SIL1: variants seen among roughly 807,000 people sequenced by gnomAD.
SIL1 encodes nucleotide exchange factor SIL1.
In SIL1, 40 loss-of-function variants were observed where a neutral mutation model predicts 49.1. The observed-to-expected ratio is 0.81, with a 90% CI of 0.63 to 1.06. SIL1 has a LOEUF of 1.06. Among genes scored for constraint, SIL1 ranks in the 50% least tolerant of loss-of-function variants. The probability of loss-of-function intolerance (pLI) is 0.00; values close to 1 mark genes in which losing one functional copy is unlikely to be tolerated. For missense variants in SIL1, 500 were observed against 572.6 expected (o/e 0.87, Z 1.29); for synonymous variants, 253 against 250.8 (o/e 1.01, Z -0.08).
intron 7 of SIL1, among the ~76,000 whole-genome samples, chr5:138,999,991 C>G (rs1937541021): frequency 6.6e-6 from 1 of 152,164 alleles, no homozygotes; most frequent in Non-Finnish European, 1.5e-5. Context: ...GCCAGAACTT[C>G]CAGTATTCTG....
chr5:139,137,266 G>A, intron 1 of SIL1: 2 of 700,882 alleles, frequency 2.9e-6, no homozygotes, highest in Non-Finnish European at 5.2e-6. Context: ...ACCCTCTGAG[G>A]TGGTTCCAAT....
intron 3 of SIL1, among the ~76,000 whole-genome samples, chr5:139,118,064 T>C (rs1431631037): frequency 6.6e-6 from 1 of 152,174 alleles, no homozygotes; most frequent in Admixed American, 6.5e-5. Context: ...TAACTGTCCA[T>C]ATAAACTTGC....
intron 3 of SIL1, among the ~76,000 whole-genome samples, chr5:139,075,905 C>T (rs1424105375): frequency 6.6e-6 from 1 of 152,174 alleles, no homozygotes; most frequent in African/African-American, 2.4e-5. Flanking sequence ...AGGAAAGAGG[C>T]ACAGTAGGGC....
At chr5:139,144,491 G>C (rs1751153991) in intron 1 of SIL1, among the ~76,000 whole-genome samples, 1 of 152,152 alleles carries the variant, frequency 6.6e-6, no homozygotes, top group Admixed American at 6.5e-5. Context: ...TGTGAGACCA[G>C]AATTAAACCC....
intron 1 of SIL1, among the ~76,000 whole-genome samples, chr5:139,179,223 G>A (rs1438495989): frequency 1.3e-5 from 2 of 152,172 alleles, no homozygotes; most frequent in East Asian, 3.9e-4. Context: ...AAACAACCAG[G>A]ACCCCCTGAA....
intron 4 of SIL1, among the ~76,000 whole-genome samples, chr5:139,044,243 C>T (rs1244277949): frequency 6.6e-6 from 1 of 152,166 alleles, no homozygotes; most frequent in East Asian, 1.9e-4. Flanking sequence ...CCTCTCCCTA[C>T]AGAGCATCAT....
At chr5:138,979,311 CCT>C (rs1767464491) in intron 7 of SIL1, among the ~76,000 whole-genome samples, 2 of 152,174 alleles carry the variant, frequency 1.3e-5, no homozygotes, top group African/African-American at 4.8e-5. Context: ...GATCTGCCCG[CCT>C]TGGCCTCCCA....
At chr5:139,163,991 A>C (rs1751568333) in intron 1 of SIL1, among the ~76,000 whole-genome samples, 1 of 151,946 alleles carries the variant, frequency 6.6e-6, no homozygotes, top group South Asian at 2.1e-4. Flanking sequence ...TGGTGGCGTA[A>C]GCCTGTAATC....
Position 138,956,219 on chromosome 5 carries a change from A to G in SIL1, c.768-4335T>C, listed in dbSNP as rs570046304. On this transcript the variant is annotated intron_variant, in intron 7 of 9. Transcript: ENST00000394817. Reference sequence around the variant, plus strand: ...AGGGCAGAGGGCACATCTCAGGGGTATATGGGGCCAGGCTCAATCATTCAC... The same window carrying G: ...AGGGCAGAGGGCACATCTCAGGGGTGTATGGGGCCAGGCTCAATCATTCAC... 2.0e-5 allele frequency among the ~76,000 whole-genome samples: 3 copies of G among 152,200 alleles called. No individual in the cohort carries two copies. In the East Asian group the frequency reaches 5.8e-4, roughly 29 times the overall value.
In SIL1 at chr5:139,153,525, G is replaced by A. The variant is rs1751349013; in HGVS notation, c.-10-25672C>T. 2.0e-5 allele frequency among the ~76,000 whole-genome samples: 3 copies of A among 152,146 alleles called. 1 individual carries two copies. The highest frequency in any genetic ancestry group is 4.1e-4 in the South Asian group (2 of 4,822). ...GAGTCTCTGTTAGACTCACTTCTCA[G>A]TTCTATCCTGGTTCACCCCCTAAGC... On this transcript the variant is annotated intron_variant, in intron 1 of 9. Transcript: ENST00000394817.
intron 1 of SIL1, among the ~76,000 whole-genome samples, chr5:139,133,911 C>G (rs148134282): frequency 6.6e-4 from 100 of 152,334 alleles, no homozygotes; most frequent in African/African-American, 2.0e-3. Context: ...TGAAGTCAGA[C>G]AGACCTAAGG....
At chr5:138,961,187 G>A (rs958137267) in intron 7 of SIL1, among the ~76,000 whole-genome samples, 2 of 152,144 alleles carry the variant, frequency 1.3e-5, no homozygotes, top group African/African-American at 2.4e-5. Flanking sequence ...TTGAAAACCA[G>A]AACAGTTGCC....
chr5:139,033,776 A>G (rs1768844139), intron 5 of SIL1, among the ~76,000 whole-genome samples: 1 of 152,176 alleles, frequency 6.6e-6, no homozygotes, highest in Non-Finnish European at 1.5e-5. Context: ...GGACACTTAA[A>G]AAGAATGTAT....
At chr5:139,148,742 C>T (rs895393900) in intron 1 of SIL1, among the ~76,000 whole-genome samples, 15 of 152,204 alleles carry the variant, frequency 9.9e-5, no homozygotes, top group African/African-American at 3.6e-4. Flanking sequence ...ACAACAAGGG[C>T]CCCAGTTCTT....
chr5:139,084,746 G>T (rs1368589337), intron 3 of SIL1, among the ~76,000 whole-genome samples: 1 of 147,210 alleles, frequency 6.8e-6, no homozygotes, highest in Non-Finnish European at 1.5e-5. Context: ...TAACTAACCT[G>T]CACAATGTGC....
chr5:139,145,011 A>G (rs1751165984), intron 1 of SIL1, among the ~76,000 whole-genome samples: 1 of 152,242 alleles, frequency 6.6e-6, no homozygotes, highest in Non-Finnish European at 1.5e-5. Flanking sequence ...CTTCATTAAA[A>G]TATTTTTAAA....
chr5:139,127,712 C>T, intron 2 of SIL1, 27 bp downstream of exon 2: 3 of 1,577,426 alleles, frequency 1.9e-6, no homozygotes, highest in Non-Finnish European at 2.6e-6. Flanking sequence ...ATCAAGGGTC[C>T]CTCCCATTTA....
At chr5:139,004,890 T>G (rs1461574003) in intron 7 of SIL1, among the ~76,000 whole-genome samples, 4 of 152,206 alleles carry the variant, frequency 2.6e-5, no homozygotes, top group Admixed American at 2.6e-4. Flanking sequence ...TGTGCATACG[T>G]GGAATCTAAA....
At chr5:139,183,848 G>A (rs1752034020) in intron 1 of SIL1, among the ~76,000 whole-genome samples, 1 of 152,116 alleles carries the variant, frequency 6.6e-6, no homozygotes, top group Non-Finnish European at 1.5e-5. Context: ...ACTCTCTCTG[G>A]GATGTGGAGC....
Sources: allele counts gnomAD v4.1 joint callset (sites outside exome capture counted in the v4.1 genomes callset), GRCh38; gene constraint gnomAD v4.1.1; transcripts MANE v1.5; gene names NCBI Gene and HGNC (gene_info 2026-07-23, HGNC 2026-07-21).